HPSE2: variants seen among roughly 807,000 people sequenced by gnomAD.
HPSE2 encodes inactive heparanase-2.
Under a neutral mutation model 60.5 loss-of-function variants are expected in HPSE2, and 38 were observed. The observed-to-expected ratio is 0.63, with a 90% CI of 0.48 to 0.82. The LOEUF (loss-of-function observed/expected upper bound fraction) is 0.82, where lower values mean the gene tolerates loss of function less well. Among genes scored for constraint, HPSE2 ranks in the 40% least tolerant of loss-of-function variants. The probability of loss-of-function intolerance (pLI) is 0.00; values close to 1 mark genes in which losing one functional copy is unlikely to be tolerated. For synonymous variants in HPSE2, 295 were observed against 293.2 expected (o/e 1.01, Z -0.06); for missense variants, 713 against 740.4 (o/e 0.96, Z 0.43).
intron 3 of HPSE2, among the ~76,000 whole-genome samples, chr10:99,100,104 C>T (rs144336562): frequency 0.011 from 1,721 of 152,306 alleles, 35 homozygotes; most frequent in African/African-American, 0.039. Context: ...TCCAAAGGAA[C>T]GCAGCTCCTT....
intron 3 of HPSE2, among the ~76,000 whole-genome samples, chr10:99,087,631 G>A (rs938411820): frequency 6.6e-6 from 1 of 152,092 alleles, no homozygotes; most frequent in African/African-American, 2.4e-5. Context: ...GATCCTGTGT[G>A]GCCTTTTGAC....
chr10:98,610,022 T>C (rs1290169769), intron 9 of HPSE2, among the ~76,000 whole-genome samples: 1 of 151,994 alleles, frequency 6.6e-6, no homozygotes, highest in Non-Finnish European at 1.5e-5. Flanking sequence ...TTTGTATTTT[T>C]ACTAGAGACG....
chr10:98,768,670 T>C (rs1201027825), intron 3 of HPSE2, among the ~76,000 whole-genome samples: 3 of 152,220 alleles, frequency 2.0e-5, no homozygotes, highest in Non-Finnish European at 4.4e-5. Flanking sequence ...TGTTTTCTAA[T>C]CACTGGCCCC....
chr10:99,154,452 A>G (rs1478027486), intron 2 of HPSE2, among the ~76,000 whole-genome samples: 1 of 93,824 alleles, frequency 1.1e-5, no homozygotes, highest in African/African-American at 3.2e-5. Flanking sequence ...AATATTCAAC[A>G]TTCTTAAAGA....
chr10:99,049,855 G>T (rs1017635303), intron 3 of HPSE2, among the ~76,000 whole-genome samples: 22 of 152,050 alleles, frequency 1.4e-4, no homozygotes, highest in African/African-American at 4.8e-4. Flanking sequence ...TCTAATAAAG[G>T]ACTTCTACCC....
intron 3 of HPSE2, among the ~76,000 whole-genome samples, chr10:98,832,126 AC>A (rs1488507525): frequency 6.6e-6 from 1 of 152,078 alleles, no homozygotes; most frequent in African/African-American, 2.4e-5. Context: ...TCAATATCTA[AC>A]TGCTAAAGAG....
intron 7 of HPSE2, among the ~76,000 whole-genome samples, chr10:98,621,907 A>G (rs1372362097): frequency 6.6e-6 from 1 of 152,222 alleles, no homozygotes; most frequent in Non-Finnish European, 1.5e-5. Flanking sequence ...TGATGGCTAG[A>G]GTAGGAGGTG....
intron 3 of HPSE2, among the ~76,000 whole-genome samples, chr10:99,128,537 T>C (rs1216266810): frequency 1.3e-5 from 2 of 152,098 alleles, no homozygotes; most frequent in Non-Finnish European, 2.9e-5. Context: ...TGTAGGGACA[T>C]GGATGAACCT....
chr10:98,636,401 G>A (rs1222117834), intron 7 of HPSE2, among the ~76,000 whole-genome samples: 1 of 151,900 alleles, frequency 6.6e-6, no homozygotes, highest in Non-Finnish European at 1.5e-5. Context: ...CACCATGCCC[G>A]GCTGATTTTT....
At chr10:98,719,524 C>G (rs1199194969) in intron 5 of HPSE2, among the ~76,000 whole-genome samples, 1 of 151,556 alleles carries the variant, frequency 6.6e-6, no homozygotes, top group Non-Finnish European at 1.5e-5. Context: ...AGTAGGGTAT[C>G]TTCCAAAATT....
intron 7 of HPSE2, among the ~76,000 whole-genome samples, chr10:98,633,712 T>G (rs892639370): frequency 4.6e-5 from 7 of 152,174 alleles, no homozygotes. Context: ...TCAAAAGCTG[T>G]AAATGAATTT....
At chr10:98,818,360 G>T (rs1951340750) in intron 3 of HPSE2, among the ~76,000 whole-genome samples, 1 of 152,132 alleles carries the variant, frequency 6.6e-6, no homozygotes, top group South Asian at 2.1e-4. Flanking sequence ...ATTCTCATAA[G>T]GACCACACAA....
At chr10:98,485,046 G>A (rs1312729437) in intron 10 of HPSE2, among the ~76,000 whole-genome samples, 1 of 152,062 alleles carries the variant, frequency 6.6e-6, no homozygotes, top group African/African-American at 2.4e-5. Flanking sequence ...CTCCATCCTG[G>A]GTCACTCACC....
intron 3 of HPSE2, among the ~76,000 whole-genome samples, chr10:98,823,440 G>A (rs533213779): frequency 3.9e-5 from 6 of 152,054 alleles, no homozygotes; most frequent in Admixed American, 6.6e-5. Flanking sequence ...GCAATATAGC[G>A]AGATCCAATC....
intron 2 of HPSE2, among the ~76,000 whole-genome samples, chr10:99,184,947 A>G (rs1015657803): frequency 2.7e-5 from 4 of 150,360 alleles, no homozygotes; most frequent in African/African-American, 9.7e-5. Flanking sequence ...AGTAATTGGT[A>G]CCTCCAAAAA....
intron 4 of HPSE2, among the ~76,000 whole-genome samples, chr10:98,736,134 T>A (rs939241524): frequency 1.3e-5 from 2 of 152,086 alleles, no homozygotes; most frequent in African/African-American, 4.8e-5. Context: ...TGGGGTCAGT[T>A]TCCCCCATAC....
chr10:98,639,790 T>C (rs143467734), intron 7 of HPSE2, among the ~76,000 whole-genome samples: 155 of 152,320 alleles, frequency 1.0e-3, no homozygotes, highest in African/African-American at 3.6e-3. Context: ...CTTGCTATAC[T>C]TAAATAATAA....
At chr10:98,852,133 G>GTGTT (rs1952192425) in intron 3 of HPSE2, among the ~76,000 whole-genome samples, 1 of 133,026 alleles carries the variant, frequency 7.5e-6, no homozygotes, top group Non-Finnish European at 1.6e-5. Flanking sequence ...GTGTGTGTGT[G>GTGTT]TGTGTGTGTG....
At position 99,211,128 on chromosome 10, in the gene HPSE2, C is replaced by G. The variant is rs751371163; in HGVS notation, c.448+21220G>C. Among the ~76,000 whole-genome samples, 2 of 151,252 alleles carry G rather than the reference C, an allele frequency of 1.3e-5. 1 individual carries two copies. The highest frequency in any genetic ancestry group is 2.9e-5 in the Non-Finnish European group (2 of 67,816). ...TTTTTGTACACTAACAATGAACTAT[C>G]CAAAAAAAAGAAATGAAGACAACAA... On this transcript the variant is annotated intron_variant, in intron 2 of 11. Transcript: ENST00000370552.
Sources: gnomAD v4.1 joint callset for allele counts (sites outside exome capture counted in the v4.1 genomes callset) on GRCh38, gnomAD v4.1.1 for gene constraint, MANE v1.5 for transcripts, NCBI Gene and HGNC (gene_info 2026-07-23, HGNC 2026-07-21) for gene names.